Variants in DYM observed in about 807,000 individuals in gnomAD.
DYM encodes dymeclin.
In DYM, 78 loss-of-function variants were observed where a neutral mutation model predicts 93.1. That is an observed-to-expected ratio of 0.84 (90% CI 0.70 to 1.01). DYM has a LOEUF of 1.01. Among genes scored for constraint, DYM ranks in the 50% least tolerant of loss-of-function variants. The pLI, the probability that DYM is intolerant of heterozygous loss-of-function variation, is 0.00. For missense variants in DYM, 789 were observed against 845.0 expected (o/e 0.93, Z 0.82); for synonymous variants, 321 against 319.7 (o/e 1.00, Z -0.04).
chr18:49,325,226 T>C (rs2146677709), intron 8 of DYM, among the ~76,000 whole-genome samples: 1 of 152,322 alleles, frequency 6.6e-6, no homozygotes, highest in South Asian at 2.1e-4. Flanking sequence ...GGAATCCTTG[T>C]TCCTTATTAA....
chr18:49,037,872 T>C lies in DYM; in HGVS notation c.*6183A>G, dbSNP rs1468243751. 6.6e-6 allele frequency among the ~76,000 whole-genome samples: 1 copy of C among 152,224 alleles called. No homozygotes were observed. Among genetic ancestry groups the C allele is most frequent in the Non-Finnish European group, 1.5e-5 (1 of 68,034 alleles). On this transcript the variant is annotated 3_prime_UTR_variant, in exon 18 of 18. Transcript: ENST00000675505. Reference sequence around the variant, plus strand: ...CAGGGTCTTGCTCTGTCACCCAAGCTGGAGTGCAGTAGTGCAATTATAGCT... The same window carrying C: ...CAGGGTCTTGCTCTGTCACCCAAGCCGGAGTGCAGTAGTGCAATTATAGCT...
At chr18:49,197,707 A>G (rs2091599631) in intron 14 of DYM, among the ~76,000 whole-genome samples, 1 of 152,186 alleles carries the variant, frequency 6.6e-6, no homozygotes, top group Non-Finnish European at 1.5e-5. Context: ...AGAACTACAA[A>G]CCACTGCTCA....
At chr18:49,416,049 A>G (rs986792731) in intron 2 of DYM, among the ~76,000 whole-genome samples, 2 of 152,222 alleles carry the variant, frequency 1.3e-5, no homozygotes, top group African/African-American at 4.8e-5. Flanking sequence ...ACTTTCAATC[A>G]TCAAGATAAA....
intron 1 of DYM, among the ~76,000 whole-genome samples, chr18:49,439,914 G>A (rs922066375): frequency 1.3e-5 from 2 of 151,598 alleles, no homozygotes; most frequent in Admixed American, 1.3e-4. Flanking sequence ...TGAGGCAGGA[G>A]GATCACCTGA....
At chr18:49,245,112 A>G (rs550042950) in intron 13 of DYM, among the ~76,000 whole-genome samples, 32 of 152,262 alleles carry the variant, frequency 2.1e-4, no homozygotes, top group Middle Eastern at 3.4e-3. Flanking sequence ...CACTTCCCCA[A>G]TCAATACTTT....
intron 6 of DYM, among the ~76,000 whole-genome samples, chr18:49,360,136 G>A (rs1026977506): frequency 7.9e-5 from 12 of 152,126 alleles, no homozygotes; most frequent in African/African-American, 2.9e-4. Flanking sequence ...AACACAATCG[G>A]CTTGCTCCTC....
intron 16 of DYM, among the ~76,000 whole-genome samples, chr18:49,104,121 C>T (rs2080506717): frequency 6.6e-6 from 1 of 152,092 alleles, no homozygotes; most frequent in Non-Finnish European, 1.5e-5. Flanking sequence ...TTGAAGAGAT[C>T]CTTCACATCC....
chr18:49,289,746 T>TATATATACAC (rs2059938860), intron 8 of DYM, among the ~76,000 whole-genome samples: 17 of 42,854 alleles, frequency 4.0e-4, no homozygotes, highest in African/African-American at 2.0e-3. Context: ...TATATATATA[T>TATATATACAC]ATATATATAT....
intron 17 of DYM, among the ~76,000 whole-genome samples, chr18:49,088,149 G>C (rs2078722573): frequency 1.3e-5 from 2 of 152,106 alleles, no homozygotes; most frequent in South Asian, 4.1e-4. Flanking sequence ...TTTGGCTTTT[G>C]TTGCCATTGC....
intron 13 of DYM, among the ~76,000 whole-genome samples, chr18:49,241,586 G>A (rs943853046): frequency 3.9e-5 from 6 of 152,170 alleles, no homozygotes; most frequent in Non-Finnish European, 8.8e-5. Context: ...GTGGTAACCT[G>A]ATTTTATTTT....
intron 7 of DYM, 58 bp from the exon 8 acceptor site, chr18:49,332,064 A>G (rs1209889020): frequency 1.1e-5 from 16 of 1,517,718 alleles, no homozygotes; most frequent in Non-Finnish European, 1.5e-5. Flanking sequence ...CTAATTCTGA[A>G]TAACAATACA....
At position 49,257,045 on chromosome 18, in the gene DYM, A is replaced by G. The variant is rs1440605741; in HGVS notation, c.1425T>C (p.Arg475=). The G allele has an allele frequency of 6.2e-7, 1 of 1,614,024 alleles. No homozygotes were observed. The highest frequency in any genetic ancestry group is 1.3e-5 in the African/African-American group (1 of 75,054). The change falls in exon 13 of 18, where the codon CGT becomes CGC. Residue 475 remains arginine (R), a synonymous_variant. Transcript: ENST00000675505. ...TCTGGGCAGCATACTGATGGAGAGA[A>G]CGAAACTGTGCCGACATATTTGCTA... ...AALANMSAQF[R]SLHQYAAQRI... is the part of the protein sequence containing the mutation.
chr18:49,320,415 T>C (rs1291731162), intron 8 of DYM, among the ~76,000 whole-genome samples: 1 of 152,230 alleles, frequency 6.6e-6, no homozygotes. Flanking sequence ...TAAATGTAAC[T>C]TATTTTATTA....
chr18:49,382,208 C>T (rs79948522), intron 3 of DYM, among the ~76,000 whole-genome samples: 12,337 of 152,110 alleles, frequency 0.081, 1,141 homozygotes, highest in East Asian at 0.33. Context: ...GTAATTAAAG[C>T]GCCGTGTACC....
intron 6 of DYM, among the ~76,000 whole-genome samples, chr18:49,337,241 G>C (rs1175777798): frequency 6.6e-6 from 1 of 152,180 alleles, no homozygotes; most frequent in East Asian, 1.9e-4. Context: ...TTTCATGAAA[G>C]AAGGATCCAG....
intron 13 of DYM, among the ~76,000 whole-genome samples, chr18:49,235,337 T>C (rs8087697): frequency 0.025 from 3,836 of 152,272 alleles, 150 homozygotes; most frequent in African/African-American, 0.086. Flanking sequence ...TTTTCTCTTA[T>C]TCACAGTTGA....
At position 49,224,602 on chromosome 18, in the gene DYM, T is replaced by C. The variant is rs371428133; in HGVS notation, c.1461-14887A>G. On this transcript the variant is annotated intron_variant, in intron 13 of 17. Transcript: ENST00000675505. ...CCTTCATGTATGGGATTAGTGTCCT[T>C]ACAAGAGTCCGAGAGAGCTTGCTTC... 2.6e-5 allele frequency among the ~76,000 whole-genome samples: 4 copies of C among 151,956 alleles called. No individual in the cohort carries two copies. In the East Asian group the frequency reaches 5.8e-4, roughly 22 times the overall value.
intron 11 of DYM, among the ~76,000 whole-genome samples, chr18:49,262,520 T>C (rs2094505581): frequency 6.6e-6 from 1 of 152,208 alleles, no homozygotes; most frequent in South Asian, 2.1e-4. Flanking sequence ...TTTGTTCGCA[T>C]CTTACTTTTT....
chr18:49,093,061 C>A (rs2079202292), intron 17 of DYM, among the ~76,000 whole-genome samples: 1 of 152,064 alleles, frequency 6.6e-6, no homozygotes, highest in Non-Finnish European at 1.5e-5. Flanking sequence ...TTAATTTACC[C>A]CACGAATATG....
Sources: gnomAD v4.1 joint callset for allele counts (sites outside exome capture counted in the v4.1 genomes callset) on GRCh38, gnomAD v4.1.1 for gene constraint, MANE v1.5 for transcripts, NCBI Gene and HGNC (gene_info 2026-07-23, HGNC 2026-07-21) for gene names.